The following INHBA variants were observed in gnomAD, a reference collection of about 807,000 sequenced individuals.
INHBA encodes the protein inhibin subunit beta A, also known as inhibin beta A chain.
INHBA carries 1 observed loss-of-function variant against 29.0 expected under a neutral mutation model. The ratio of observed to expected loss-of-function variants is 0.03; its 90% CI spans 0.01 to 0.16. INHBA has a LOEUF of 0.16. INHBA is among the 10% of genes least tolerant of loss of function. INHBA has a pLI of 1.00. For synonymous variants in INHBA, 242 were observed against 216.8 expected (o/e 1.12, Z -1.02); for missense variants, 376 against 545.4 (o/e 0.69, Z 3.09).
rs767239036 is a variant in INHBA at position 41,689,938 on chromosome 7, C to T, written c.993G>A (p.Lys331=). The T allele has an allele frequency of 1.2e-5, 19 of 1,614,072 alleles. No homozygotes were observed. In the South Asian group the frequency reaches 2.1e-4, roughly 18 times the overall value. ...TGATCCAGTCATTCCAGCCGATGTC[C>T]TTGAAACTGACAAAGAACTGTTTCT... ...CCKKQFFVSF[K]DIGWNDWIIA... The change falls in exon 3 of 3, where the codon AAG becomes AAA. Residue 331 remains lysine, a synonymous_variant. Transcript: ENST00000242208.
chr7:41,700,382 G>A lies in INHBA; in HGVS notation c.-8C>T, dbSNP rs949361127. 2 of 1,446,380 alleles carry A rather than the reference G, an allele frequency of 1.4e-6. No homozygotes were observed. Among genetic ancestry groups the A allele is most frequent in the Non-Finnish European group, 1.8e-6 (2 of 1,098,502 alleles). 89.6% of individuals were successfully genotyped at this position (1,446,380 alleles called of 1,614,324 possible). A position where few individuals can be genotyped will look rare whatever the true frequency, so the allele number is the denominator to read the frequency against. ...CAGCCAAAGCAAGGGCATCCTGGCA[G>A]CAAAAGTTGTTGTGATTGCCTTTTT... On this transcript the variant is annotated 5_prime_UTR_variant, in exon 2 of 3. Transcript: ENST00000242208.
At chr7:41,691,966 A>C (rs781181465) in intron 2 of INHBA, 11 of 152,248 alleles carry the variant, frequency 7.2e-5, no homozygotes, top group Non-Finnish European at 1.6e-4. Flanking sequence ...CTGCTAATGG[A>C]CAGGAAATCC....
intron 2 of INHBA, among the ~76,000 whole-genome samples, 153 bp downstream of exon 2, chr7:41,699,834 C>T (rs923555247): frequency 6.6e-6 from 1 of 152,074 alleles, no homozygotes; most frequent in Non-Finnish European, 1.5e-5. Context: ...TGCCCTCCGT[C>T]GGCTAGTCCG....
At position 41,689,641 on chromosome 7, in the gene INHBA, TG is replaced by T; in HGVS notation, c.*8del. 6.5e-7 allele frequency: 1 copy of T among 1,546,562 alleles called. No homozygotes were observed. ...ACTCTTGCTCCCTTTCCCCCTGGGC[TG>T]GGCAACTCTATGAGCACCCACACTC... On this transcript the variant is annotated 3_prime_UTR_variant, in exon 3 of 3. Transcript: ENST00000242208.
chr7:41,697,129 T>A (rs773630662), intron 2 of INHBA, among the ~76,000 whole-genome samples: 7 of 152,196 alleles, frequency 4.6e-5, no homozygotes, highest in Non-Finnish European at 1.0e-4. Context: ...TTTAGCTTCA[T>A]GACATTTATA....
intron 2 of INHBA, 89 bp downstream of exon 2, chr7:41,699,898 A>G (rs1317666149): frequency 4.4e-6 from 4 of 906,392 alleles, no homozygotes; most frequent in African/African-American, 1.7e-5. Context: ...GCTGAAGGGA[A>G]AAGAAGTTCC....
rs1482449606 is a variant in INHBA, at chr7:41,686,064, A to G, written c.*3586T>C. ...TCACCTCTTAAAGTCCAATCCCACA[A>G]TGGTGAAAAAAAAATAGAAAGTATT... On this transcript the variant is annotated 3_prime_UTR_variant, in exon 3 of 3. Coordinates refer to ENST00000242208, the MANE Select transcript of INHBA (RefSeq NM_002192.4). 3.3e-5 allele frequency: 5 copies of G among 152,046 alleles called. No homozygotes were observed. The highest frequency in any genetic ancestry group is 5.9e-5 in the Non-Finnish European group (4 of 67,986). The allele number at this position is 152,046 out of a possible 1,614,324, so 9.4% of individuals were successfully genotyped here. A position where few individuals can be genotyped will look rare whatever the true frequency, so the allele number is the denominator to read the frequency against.
intron 1 of INHBA, among the ~76,000 whole-genome samples, chr7:41,701,871 T>C (rs1208730554): frequency 6.6e-6 from 1 of 152,216 alleles, no homozygotes; most frequent in Non-Finnish European, 1.5e-5. Flanking sequence ...CTGCTTCTTT[T>C]TCCCTCAAAG....
intron 2 of INHBA, among the ~76,000 whole-genome samples, chr7:41,694,740 C>T (rs146452149): frequency 2.3e-3 from 357 of 152,256 alleles, no homozygotes; most frequent in African/African-American, 8.0e-3. Context: ...CCACGCAAAC[C>T]CATGTGGGTG....
chr7:41,690,590 C>G, intron 2 of INHBA, 48 bp from the exon 3 acceptor site: 18 of 1,492,246 alleles, frequency 1.2e-5, no homozygotes, highest in Non-Finnish European at 1.6e-5. Context: ...CCTGTTAATT[C>G]CAACATTTAC....
chr7:41,703,828 C>T (rs142216126), upstream of INHBA, among the ~76,000 whole-genome samples: 1 of 151,888 alleles, frequency 6.6e-6, no homozygotes, highest in Non-Finnish European at 1.5e-5. Flanking sequence ...ATGCATCATT[C>T]TTTTTTACCA....
At chr7:41,704,164 T>C (rs1437098161), upstream of INHBA, among the ~76,000 whole-genome samples, 5 of 152,236 alleles carry the variant, frequency 3.3e-5, no homozygotes, top group East Asian at 1.9e-4. Context: ...AACTTTTCAC[T>C]GTGCCCACAA....
chr7:41,697,395 C>G (rs1025887881), intron 2 of INHBA, among the ~76,000 whole-genome samples: 8 of 152,210 alleles, frequency 5.3e-5, no homozygotes, highest in Non-Finnish European at 8.8e-5. Flanking sequence ...TGAGCACTTT[C>G]TACCTAAACA....
chr7:41,704,958 AC>A (rs1187939654), upstream of INHBA, among the ~76,000 whole-genome samples: 1 of 151,992 alleles, frequency 6.6e-6, no homozygotes, highest in South Asian at 2.1e-4. Context: ...CCGAGTGCCC[AC>A]CTGCCAGGCC....
At position 41,688,708 on chromosome 7, in the gene INHBA, C is replaced by T. The variant is rs1023575746; in HGVS notation, c.*942G>A. 1 of 94,226 alleles carries T rather than the reference C, an allele frequency of 1.1e-5. No individual in the cohort carries two copies. Among genetic ancestry groups the T allele is most frequent in the African/African-American group, 4.3e-5 (1 of 23,118 alleles). 5.8% of individuals were successfully genotyped at this position (94,226 alleles called of 1,614,324 possible). A position where few individuals can be genotyped will look rare whatever the true frequency, so the allele number is the denominator to read the frequency against. ...ACACCATTGTAGTGCAAATAGTAAA[C>T]GATTAAAAAAAAAACAACAACAACA... On this transcript the variant is annotated 3_prime_UTR_variant, in exon 3 of 3. Coordinates refer to ENST00000242208, the MANE Select transcript of INHBA (RefSeq NM_002192.4).
chr7:41,702,695 T>A (rs1237195100), intron 1 of INHBA, among the ~76,000 whole-genome samples: 2 of 152,198 alleles, frequency 1.3e-5, no homozygotes, highest in Non-Finnish European at 2.9e-5. Flanking sequence ...GTGCAACTTA[T>A]CAATATTTGG....
chr7:41,693,837 C>T (rs902428168), intron 2 of INHBA: 1 of 152,220 alleles, frequency 6.6e-6, no homozygotes, highest in African/African-American at 2.4e-5. Flanking sequence ...CCTGTATTTG[C>T]ATCCACTGCC....
At chr7:41,694,999 C>A (rs1794611626) in intron 2 of INHBA, among the ~76,000 whole-genome samples, 2 of 152,272 alleles carry the variant, frequency 1.3e-5, no homozygotes, top group African/African-American at 4.8e-5. Context: ...ATAAGTCAAT[C>A]ATGAAGGCAT....
At position 41,700,427 on chromosome 7, in the gene INHBA, C is replaced by A. The variant is rs1794753715; in HGVS notation, c.-53G>T. The A allele has an allele frequency of 1.5e-6, 2 of 1,360,090 alleles. No individual in the cohort carries two copies. The allele number at this position is 1,360,090 out of a possible 1,614,324, so 84.3% of individuals were successfully genotyped here. ...CTTTTTAAAAGGCCCTGCTTTTCCT[C>A]CCCCCTCACGCGCAGGTTTTTTTGT... is the stretch of plus-strand genomic sequence containing the variant. On this transcript the variant is annotated 5_prime_UTR_variant, in exon 2 of 3. Transcript: ENST00000242208.
Sources: allele counts gnomAD v4.1 joint callset (sites outside exome capture counted in the v4.1 genomes callset), GRCh38; gene constraint gnomAD v4.1.1; transcripts MANE v1.5; gene names NCBI Gene and HGNC (gene_info 2026-07-23, HGNC 2026-07-21).